EIPR1: variants seen among roughly 807,000 people sequenced by gnomAD.
EIPR1 encodes EARP complex and GARP complex interacting protein 1, also known as EARP and GARP complex-interacting protein 1.
In EIPR1, 25 loss-of-function variants were observed where a neutral mutation model predicts 48.1. The observed-to-expected ratio is 0.52, with a 90% CI of 0.38 to 0.73. The LOEUF (loss-of-function observed/expected upper bound fraction) is 0.73, where lower values mean the gene tolerates loss of function less well. Among genes scored for constraint, EIPR1 ranks in the 30% least tolerant of loss-of-function variants. EIPR1 has a pLI of 0.00. For synonymous variants in EIPR1, 204 were observed against 201.9 expected (o/e 1.01, Z -0.09); for missense variants, 415 against 506.2 (o/e 0.82, Z 1.73).
At chr2:3,201,989 T>G (rs901947219) in intron 5 of EIPR1, among the ~76,000 whole-genome samples, 2 of 152,154 alleles carry the variant, frequency 1.3e-5, no homozygotes, top group African/African-American at 4.8e-5. Context: ...CAGGCTGGAG[T>G]GCAGTGGCGC....
Position 3,256,895 on chromosome 2 carries a change from T to C in EIPR1, c.416+404A>G, listed in dbSNP as rs575789107. 1.4e-4 allele frequency among the ~76,000 whole-genome samples: 22 copies of C among 152,346 alleles called. No individual in the cohort carries two copies. In the South Asian group the frequency reaches 3.9e-3, roughly 27 times the overall value. On this transcript the variant is annotated intron_variant, in intron 4 of 8. Coordinates refer to ENST00000382125, the MANE Select transcript of EIPR1 (RefSeq NM_003310.5). ...GCCCCACAGGCACACCACGCATTCA[T>C]GCTTTGTCCACGGGAGGAAGGGATT...
rs181025846 is a variant in EIPR1 at position 3,283,589 on chromosome 2, C to A, written c.260-26134G>T. ...CATGCCTTCCCCCAGCTGCAAAGGACGCCCAGACGGGCAGGAGAGCCAGAT... is the reference window on the plus strand; with the variant it reads ...CATGCCTTCCCCCAGCTGCAAAGGAAGCCCAGACGGGCAGGAGAGCCAGAT... On this transcript the variant is annotated intron_variant, in intron 3 of 8. Transcript: ENST00000382125. Among the ~76,000 whole-genome samples the A allele has an allele frequency of 2.0e-5, 3 of 152,332 alleles. No individual in the cohort carries two copies. In the East Asian group the frequency reaches 5.8e-4, roughly 29 times the overall value.
chr2:3,271,982 G>A (rs999865137), intron 3 of EIPR1, among the ~76,000 whole-genome samples: 2 of 152,188 alleles, frequency 1.3e-5, no homozygotes, highest in African/African-American at 4.8e-5. Context: ...GGCAGATCTG[G>A]AGAACTTGCT....
At chr2:3,252,380 C>T (rs1667027932) in intron 4 of EIPR1, among the ~76,000 whole-genome samples, 1 of 152,204 alleles carries the variant, frequency 6.6e-6, no homozygotes, top group Non-Finnish European at 1.5e-5. Flanking sequence ...CACCTGAGGT[C>T]AGGAGTTCAA....
At chr2:3,227,026 G>A (rs531166311) in intron 4 of EIPR1, among the ~76,000 whole-genome samples, 44 of 152,280 alleles carry the variant, frequency 2.9e-4, no homozygotes, top group African/African-American at 9.9e-4. Flanking sequence ...GCCTTTATTA[G>A]CAGCATGAAA....
At chr2:3,197,106 CA>C (rs1358920053) in intron 5 of EIPR1, 89 bp from the exon 6 acceptor site, 6 of 1,379,464 alleles carry the variant, frequency 4.3e-6, no homozygotes, top group Non-Finnish European at 6.0e-6. Context: ...ATCGTATACT[CA>C]AGGATATTAT....
intron 7 of EIPR1, 101 bp from the exon 8 acceptor site, chr2:3,192,682 G>A (rs551471776): frequency 9.9e-5 from 120 of 1,217,764 alleles, no homozygotes; most frequent in Non-Finnish European, 1.3e-4. Flanking sequence ...TGGGGCTCAC[G>A]TTAGGCACTG....
At chr2:3,257,990 A>C (rs1667214421) in intron 3 of EIPR1, among the ~76,000 whole-genome samples, 2 of 152,246 alleles carry the variant, frequency 1.3e-5, no homozygotes. Flanking sequence ...TGCCATTCAG[A>C]GGCATCGCAT....
chr2:3,362,755 AT>A (rs34691627), intron 1 of EIPR1, among the ~76,000 whole-genome samples: 86,444 of 152,032 alleles, frequency 0.57, 25,670 homozygotes, highest in Admixed American at 0.65. Context: ...GACAGAGGGC[AT>A]TGGCTGCTGA....
intron 5 of EIPR1, among the ~76,000 whole-genome samples, chr2:3,205,129 C>T (rs1388889223): frequency 1.3e-5 from 2 of 152,178 alleles, no homozygotes; most frequent in Non-Finnish European, 2.9e-5. Flanking sequence ...GCAGGCGTGT[C>T]CCAGGTTGTG....
intron 3 of EIPR1, among the ~76,000 whole-genome samples, chr2:3,266,916 C>T (rs1449011145): frequency 6.6e-6 from 1 of 152,254 alleles, no homozygotes; most frequent in East Asian, 1.9e-4. Context: ...CTCGGCTCTT[C>T]ACCTAAGCCA....
intron 4 of EIPR1, among the ~76,000 whole-genome samples, chr2:3,227,575 G>C (rs992606610): frequency 6.6e-6 from 1 of 152,248 alleles, no homozygotes; most frequent in African/African-American, 2.4e-5. Context: ...GCCTGCTGCA[G>C]AAATTTGCAT....
At chr2:3,339,478 G>C (rs1670165350) in intron 2 of EIPR1, among the ~76,000 whole-genome samples, 2 of 152,150 alleles carry the variant, frequency 1.3e-5, no homozygotes, top group Non-Finnish European at 2.9e-5. Context: ...GTCTGATAGG[G>C]CTTGGATCTG....
intron 4 of EIPR1, among the ~76,000 whole-genome samples, chr2:3,247,032 GGAGGGAGA>G (rs1171314138): frequency 0.02 from 402 of 20,564 alleles, 81 homozygotes; most frequent in African/African-American, 0.083. Context: ...AGAGAGCGAG[GGAGGGAGA>G]GAGGGAGGGA....
intron 1 of EIPR1, among the ~76,000 whole-genome samples, chr2:3,357,432 T>C (rs1459052181): frequency 1.3e-5 from 2 of 152,206 alleles, no homozygotes; most frequent in Admixed American, 6.5e-5. Context: ...CCTGCTTCTA[T>C]ATTTGAGTCC....
intron 3 of EIPR1, among the ~76,000 whole-genome samples, chr2:3,291,172 T>G (rs1368469716): frequency 1.3e-5 from 2 of 152,196 alleles, no homozygotes; most frequent in Non-Finnish European, 2.9e-5. Context: ...ACACCCAGAA[T>G]GAAGCTACAG....
chr2:3,280,914 G>C (rs1162164688), intron 3 of EIPR1, among the ~76,000 whole-genome samples: 1 of 151,872 alleles, frequency 6.6e-6, no homozygotes, highest in Non-Finnish European at 1.5e-5. Context: ...TCCAGGAGCC[G>C]CCTGTGCAGC....
At chr2:3,275,001 A>G (rs1325335449) in intron 3 of EIPR1, among the ~76,000 whole-genome samples, 4 of 152,260 alleles carry the variant, frequency 2.6e-5, no homozygotes, top group African/African-American at 9.6e-5. Flanking sequence ...AAAACCCCCC[A>G]AAACAGCATA....
intron 4 of EIPR1, among the ~76,000 whole-genome samples, chr2:3,220,405 C>T (rs1353945300): frequency 6.6e-6 from 1 of 151,454 alleles, no homozygotes; most frequent in East Asian, 2.0e-4. Context: ...GGCTGTAGTA[C>T]ATTCTAGAGC....
Sources: gnomAD v4.1 joint callset for allele counts (sites outside exome capture counted in the v4.1 genomes callset) on GRCh38, gnomAD v4.1.1 for gene constraint, MANE v1.5 for transcripts, NCBI Gene and HGNC (gene_info 2026-07-23, HGNC 2026-07-21) for gene names.